TMPRSS9: variants seen among roughly 807,000 people sequenced by gnomAD.
The protein encoded by TMPRSS9 is transmembrane protease serine 9.
In TMPRSS9, 113 loss-of-function variants were observed where a neutral mutation model predicts 111.4. That is an observed-to-expected ratio of 1.01 (90% CI 0.87 to 1.19). The LOEUF is 1.19. Among genes scored for constraint, TMPRSS9 ranks in the 50% most tolerant of loss-of-function variants. The pLI, the probability that TMPRSS9 is intolerant of heterozygous loss-of-function variation, is 0.00. For missense variants in TMPRSS9, 1,803 were observed against 1,513.1 expected, an observed-to-expected ratio of 1.19 and a Z score of -3.18; for synonymous variants, 805 against 659.1, an observed-to-expected ratio of 1.22 and a Z score of -3.39.
rs191066775 is a variant in TMPRSS9 at position 2,400,173 on chromosome 19, G to T, written c.514+980G>T. On this transcript the variant is annotated intron_variant, in intron 4 of 17. Coordinates refer to ENST00000648592, the Ensembl canonical transcript of TMPRSS9. The stretch of plus-strand genomic sequence containing the variant: ...AACTTATTAAAAATAACAAGCAGTG[G>T]GCTGGATTTGGCCTATGGCCGTAGT... Among the ~76,000 whole-genome samples, 3 of 152,356 alleles carry T rather than the reference G, an allele frequency of 2.0e-5. No homozygotes were observed. The East Asian group carries it at 5.8e-4, about 29-fold the overall frequency.
exon 8 of TMPRSS9, chr19:2,408,613 A>T: frequency 6.8e-6 from 11 of 1,611,620 alleles, no homozygotes; most frequent in Non-Finnish European, 9.3e-6. Flanking sequence ...GGCTGGGGCT[A>T]CCTCAAGGAG....
At chr19:2,410,267 C>T in exon 9 of TMPRSS9, 1 of 1,613,912 alleles carries the variant, frequency 6.2e-7, no homozygotes, top group Non-Finnish European at 8.5e-7. Context: ...GTGGTCAAGC[C>T]AGAGGTGCTG....
chr19:2,421,372 T>G (rs576361787), intron 13 of TMPRSS9, among the ~76,000 whole-genome samples: 87 of 151,156 alleles, frequency 5.8e-4, no homozygotes, highest in African/African-American at 1.6e-3. Context: ...CACTGCAAGC[T>G]CCGCCTCCCG....
At chr19:2,390,949 A>C (rs886429379) in intron 1 of TMPRSS9, among the ~76,000 whole-genome samples, 1 of 151,092 alleles carries the variant, frequency 6.6e-6, no homozygotes, top group African/African-American at 2.4e-5. Context: ...TGAGCAGATC[A>C]TGAGGTCAGG....
chr19:2,407,608 C>T (rs201818734), intron 7 of TMPRSS9, among the ~76,000 whole-genome samples: 12 of 98,364 alleles, frequency 1.2e-4, no homozygotes, highest in African/African-American at 3.7e-4. Context: ...CTTTTCTTTT[C>T]TTTTTTTTTT....
At chr19:2,385,866 G>T (rs1043328366), upstream of TMPRSS9, among the ~76,000 whole-genome samples, 3 of 151,884 alleles carry the variant, frequency 2.0e-5, no homozygotes, top group African/African-American at 7.3e-5. Flanking sequence ...AATAAAAAAA[G>T]ATTACGTATC....
At chr19:2,377,460 C>A (rs1970345959) in intron 1 of TMPRSS9, among the ~76,000 whole-genome samples, 1 of 88,922 alleles carries the variant, frequency 1.1e-5, no homozygotes, top group Non-Finnish European at 2.2e-5. Flanking sequence ...CTCCCCTCCC[C>A]TCTCCCCTCT....
intron 1 of TMPRSS9, among the ~76,000 whole-genome samples, chr19:2,380,718 G>GT (rs1260161665): frequency 1.3e-5 from 2 of 152,060 alleles, no homozygotes; most frequent in Non-Finnish European, 2.9e-5. Flanking sequence ...GCTAAACCCT[G>GT]TCAGAATCCT....
chr19:2,413,300 G>A (rs770294996), intron 9 of TMPRSS9, among the ~76,000 whole-genome samples: 28 of 152,182 alleles, frequency 1.8e-4, no homozygotes, highest in Non-Finnish European at 3.4e-4. Context: ...CAGCAGATGA[G>A]CACTTTGGGA....
chr19:2,408,647 G>T lies in TMPRSS9; in HGVS notation c.1117+17G>T. 6.2e-7 allele frequency: 1 copy of T among 1,600,054 alleles called. No homozygotes were observed. Among genetic ancestry groups the T allele is most frequent in the Non-Finnish European group, 8.5e-7 (1 of 1,170,394 alleles). ...AGGACTTCCGTAAGCATCTTCCTCGGCCTGCAAGTGAGCTCAGGCAGGCAG... is the reference window on the plus strand; with the variant it reads ...AGGACTTCCGTAAGCATCTTCCTCGTCCTGCAAGTGAGCTCAGGCAGGCAG... On this transcript the variant is annotated intron_variant, in intron 8 of 17. Transcript: ENST00000648592.
At chr19:2,417,540 T>A (rs1327142780) in intron 12 of TMPRSS9, among the ~76,000 whole-genome samples, 1 of 150,744 alleles carries the variant, frequency 6.6e-6, no homozygotes, top group African/African-American at 2.4e-5. Flanking sequence ...CCCAGCTACT[T>A]AGGAGGCTGA....
At chr19:2,417,596 C>T (rs1971276993) in intron 12 of TMPRSS9, among the ~76,000 whole-genome samples, 1 of 151,768 alleles carries the variant, frequency 6.6e-6, no homozygotes, top group Non-Finnish European at 1.5e-5. Context: ...CGCAGTGAGC[C>T]ATGATCATGC....
intron 4 of TMPRSS9, among the ~76,000 whole-genome samples, chr19:2,399,793 C>T (rs999614196): frequency 2.0e-5 from 3 of 152,124 alleles, no homozygotes; most frequent in African/African-American, 7.2e-5. Context: ...TCTTGGCTCA[C>T]TGCAGCTTCT....
intron 10 of TMPRSS9, among the ~76,000 whole-genome samples, chr19:2,415,039 G>T (rs34079675): frequency 6.9e-6 from 1 of 145,298 alleles, no homozygotes; most frequent in South Asian, 2.2e-4. Flanking sequence ...TCCACCTCCC[G>T]GTTCAAGTGA....
chr19:2,373,461 C>G (rs1970305820), intron 1 of TMPRSS9, among the ~76,000 whole-genome samples: 1 of 152,096 alleles, frequency 6.6e-6, no homozygotes, highest in South Asian at 2.1e-4. Context: ...AACGCCTGGC[C>G]TCAAGGGATC....
intron 7 of TMPRSS9, among the ~76,000 whole-genome samples, chr19:2,408,025 T>A (rs10419629): frequency 0.2 from 29,060 of 148,308 alleles, 3,038 homozygotes; most frequent in African/African-American, 0.26. Flanking sequence ...TTCGTGATCC[T>A]CCCGCCTCAG....
At chr19:2,423,169 C>T (rs1195292269) in intron 14 of TMPRSS9, among the ~76,000 whole-genome samples, 1 of 151,884 alleles carries the variant, frequency 6.6e-6, no homozygotes, top group Non-Finnish European at 1.5e-5. Flanking sequence ...GTAGGTCTGT[C>T]CCTGCAGCCT....
chr19:2,413,306 T>G (rs1294271097), intron 9 of TMPRSS9, among the ~76,000 whole-genome samples: 1 of 152,096 alleles, frequency 6.6e-6, no homozygotes, highest in Non-Finnish European at 1.5e-5. Flanking sequence ...ATGAGCACTT[T>G]GGGAGCAATG....
At chr19:2,416,393 C>T in intron 11 of TMPRSS9, 145 bp from the exon 13 acceptor site, 1 of 1,095,136 alleles carries the variant, frequency 9.1e-7, no homozygotes, top group Non-Finnish European at 1.3e-6. Context: ...CCTGGTCCTC[C>T]TCCCTGGAGC....
Sources: gnomAD v4.1 joint callset for allele counts (sites outside exome capture counted in the v4.1 genomes callset) on GRCh38, gnomAD v4.1.1 for gene constraint, MANE v1.5 for transcripts, NCBI Gene and HGNC (gene_info 2026-07-23, HGNC 2026-07-21) for gene names.